The following INPP4B variants were observed in gnomAD, a reference collection of about 807,000 sequenced individuals.
The protein encoded by INPP4B is inositol polyphosphate 4-phosphatase type II.
INPP4B carries 55 observed loss-of-function variants against 122.5 expected under a neutral mutation model. The observed-to-expected ratio is 0.45, with a 90% confidence interval of 0.36 to 0.56. INPP4B has a LOEUF of 0.56. Among genes scored for constraint, INPP4B ranks in the 20% least tolerant of loss-of-function variants. The probability of loss-of-function intolerance (pLI) is 0.00; values close to 1 mark genes in which losing one functional copy is unlikely to be tolerated. For missense variants in INPP4B, 1,000 were observed against 1,097.7 expected, an observed-to-expected ratio of 0.91 and a Z score of 1.26; for synonymous variants, 403 against 388.7, an observed-to-expected ratio of 1.04 and a Z score of -0.43.
intron 18 of INPP4B, among the ~76,000 whole-genome samples, chr4:142,129,079 T>C (rs887697296): frequency 1.3e-5 from 2 of 152,194 alleles, no homozygotes; most frequent in African/African-American, 2.4e-5. Context: ...TTAAACTTTA[T>C]GCAAAGAGAT....
At chr4:142,222,520 G>A (rs1849769037) in intron 12 of INPP4B, among the ~76,000 whole-genome samples, 1 of 152,100 alleles carries the variant, frequency 6.6e-6, no homozygotes, top group South Asian at 2.1e-4. Flanking sequence ...ATGTAATCAT[G>A]TTGCCCTGTG....
intron 25 of INPP4B, among the ~76,000 whole-genome samples, chr4:142,049,640 A>C (rs1342644607): frequency 2.0e-5 from 3 of 152,036 alleles, no homozygotes; most frequent in Non-Finnish European, 4.4e-5. Context: ...AAAAAGCAAC[A>C]ATAATAAGTA....
At chr4:142,423,842 A>G (rs1562067329) in intron 5 of INPP4B, 3 of 438,852 alleles carry the variant, frequency 6.8e-6, no homozygotes, top group South Asian at 1.7e-5. Context: ...ACCTTTATGT[A>G]TTTTTTATGT....
intron 11 of INPP4B, among the ~76,000 whole-genome samples, chr4:142,247,532 G>A (rs1729527333): frequency 6.6e-6 from 1 of 152,080 alleles, no homozygotes; most frequent in Non-Finnish European, 1.5e-5. Flanking sequence ...GGGTGTATGT[G>A]CCCAGGAATT....
In INPP4B at chr4:142,112,542, C is replaced by T. The variant is rs1484413105; in HGVS notation, c.2276G>A (p.Arg759Lys). 1.2e-6 allele frequency: 2 copies of T among 1,612,522 alleles called. No homozygotes were observed. Among genetic ancestry groups the T allele is most frequent in the African/African-American group, 1.3e-5 (1 of 74,820 alleles). ...GTGCGACTCTTACACCAAAGCTTAC[C>T]TTTCAGCCAGAGTTTGCTGTTCATT... Reference protein sequence around the residue: ...GINEQQTLAERFGDVSLQESI... With the variant: ...GINEQQTLAEKFGDVSLQESI... Residue 759 changes from arginine to lysine, a missense_variant and splice_region_variant, in exon 22 of 26, where the codon AGG (arginine) becomes AAG (lysine). By Grantham distance (26) the Arg-to-Lys change is conservative. Coordinates refer to ENST00000262992, the MANE Select transcript of INPP4B (RefSeq NM_001101669.3).
intron 2 of INPP4B, among the ~76,000 whole-genome samples, chr4:142,690,531 A>C (rs1287500043): frequency 6.6e-6 from 1 of 152,094 alleles, no homozygotes; most frequent in East Asian, 1.9e-4. Flanking sequence ...AATTTTCTTC[A>C]CTTAAAAAGA....
chr4:142,756,862 T>C (rs1370943083), intron 1 of INPP4B, among the ~76,000 whole-genome samples: 3 of 152,042 alleles, frequency 2.0e-5, no homozygotes, highest in East Asian at 3.9e-4. Context: ...TGAGATGTAA[T>C]AAGAATAAAT....
intron 23 of INPP4B, among the ~76,000 whole-genome samples, chr4:142,095,031 CAT>C (rs1781234289): frequency 6.6e-6 from 1 of 152,136 alleles, no homozygotes; most frequent in Admixed American, 6.6e-5. Context: ...CTGGGACACT[CAT>C]ATATTTACAG....
At chr4:142,810,620 T>G (rs548677097) in intron 1 of INPP4B, among the ~76,000 whole-genome samples, 1 of 152,334 alleles carries the variant, frequency 6.6e-6, no homozygotes, top group Admixed American at 6.5e-5. Context: ...TCAGCTCACC[T>G]AACATCTATT....
At chr4:142,789,719 C>A (rs943139243) in intron 1 of INPP4B, among the ~76,000 whole-genome samples, 8 of 151,940 alleles carry the variant, frequency 5.3e-5, no homozygotes, top group Middle Eastern at 3.2e-3. Context: ...ACATTCTTCA[C>A]AGAATTAGAA....
intron 7 of INPP4B, among the ~76,000 whole-genome samples, chr4:142,363,285 G>C (rs1786154103): frequency 6.6e-6 from 1 of 151,470 alleles, no homozygotes; most frequent in Non-Finnish European, 1.5e-5. Context: ...AAATTTCAAG[G>C]GCTACTCCTC....
intron 10 of INPP4B, among the ~76,000 whole-genome samples, chr4:142,263,669 T>TAA (rs1489402281): frequency 3.8e-5 from 4 of 104,504 alleles, no homozygotes; most frequent in Non-Finnish European, 5.6e-5. Context: ...TATATATATA[T>TAA]ATATATATAT....
chr4:142,028,909 C>T lies in INPP4B; in HGVS notation c.2648G>A (p.Gly883Glu). ...CTTCAGTACATTCTCTATGCGGCAT[C>T]CTTCTCTGGTGAAAGGGGAAAAAGT... ...IRALDCMRRE[G>E]CRIENVLKNI... The change falls in exon 26 of 26, where the codon GGA becomes GAA. Residue 883 changes from glycine to glutamate, a missense_variant. Gly to Glu is a moderately conservative substitution (Grantham distance 98). Coordinates refer to ENST00000262992, the MANE Select transcript of INPP4B (RefSeq NM_001101669.3). 6.2e-7 allele frequency: 1 copy of T among 1,609,682 alleles called. No individual in the cohort carries two copies. Among genetic ancestry groups the T allele is most frequent in the East Asian group, 2.2e-5 (1 of 44,714 alleles).
At position 142,237,788 on chromosome 4, in the gene INPP4B, T is replaced by C; in HGVS notation, c.836+76A>G. 1.3e-5 allele frequency: 11 copies of C among 826,834 alleles called. 2 individuals carry two copies. The South Asian group carries it at 2.7e-4, about 21-fold the overall frequency. The allele number at this position is 826,834 out of a possible 1,614,324, so 51.2% of individuals were successfully genotyped here. ...ATATTTCAAAATGTTGCACAGATTATATATAATTTGTCAATTAAAAATTTT... is the reference window on the plus strand; with the variant it reads ...ATATTTCAAAATGTTGCACAGATTACATATAATTTGTCAATTAAAAATTTT... On this transcript the variant is annotated intron_variant, in intron 12 of 25. Transcript: ENST00000262992.
At chr4:142,267,842 G>A (rs940781373) in intron 10 of INPP4B, among the ~76,000 whole-genome samples, 6 of 151,884 alleles carry the variant, frequency 4.0e-5, no homozygotes, top group African/African-American at 1.5e-4. Flanking sequence ...AAATATATAA[G>A]AAACTCAATA....
At chr4:142,197,267 A>T (rs1838741644) in intron 14 of INPP4B, among the ~76,000 whole-genome samples, 1 of 151,966 alleles carries the variant, frequency 6.6e-6, no homozygotes, top group South Asian at 2.1e-4. Context: ...GCAATTCCAC[A>T]TTTCTTGAAG....
chr4:142,444,901 C>T (rs1238220301), intron 3 of INPP4B, among the ~76,000 whole-genome samples: 2 of 152,060 alleles, frequency 1.3e-5, no homozygotes, highest in African/African-American at 4.8e-5. Context: ...TCATTCTCAG[C>T]AAACACACAG....
intron 2 of INPP4B, among the ~76,000 whole-genome samples, chr4:142,609,986 G>T (rs1027788061): frequency 6.6e-6 from 1 of 152,150 alleles, no homozygotes; most frequent in South Asian, 2.1e-4. Flanking sequence ...TCTGGCTACT[G>T]AGCACTTGAA....
At chr4:142,115,391 A>G (rs150456160) in intron 21 of INPP4B, among the ~76,000 whole-genome samples, 20,151 of 152,198 alleles carry the variant, frequency 0.13, 1,509 homozygotes, top group East Asian at 0.24. Flanking sequence ...GAAGGAAAAC[A>G]TGTTAAGGGC....
Sources: gnomAD v4.1 joint callset for allele counts (sites outside exome capture counted in the v4.1 genomes callset) on GRCh38, gnomAD v4.1.1 for gene constraint, MANE v1.5 for transcripts, NCBI Gene and HGNC (gene_info 2026-07-23, HGNC 2026-07-21) for gene names.